Variants in PTK2B observed in about 807,000 individuals in gnomAD.
The protein encoded by PTK2B is protein-tyrosine kinase 2-beta.
PTK2B carries 71 observed loss-of-function variants against 142.9 expected under a neutral mutation model. The ratio of observed to expected loss-of-function variants is 0.50; its 90% CI spans 0.41 to 0.61. PTK2B has a LOEUF of 0.61. Among genes scored for constraint, PTK2B ranks in the 20% least tolerant of loss-of-function variants. The pLI, the probability that PTK2B is intolerant of heterozygous loss-of-function variation, is 0.00. For synonymous variants in PTK2B, 519 were observed against 503.4 expected, an observed-to-expected ratio of 1.03 and a Z score of -0.42; for missense variants, 1,105 against 1,320.4, an observed-to-expected ratio of 0.84 and a Z score of 2.53.
rs1178118717 is a variant in PTK2B at position 27,458,144 on chromosome 8, G to T, written c.2815-150G>T. The T allele has an allele frequency of 4.1e-6, 3 of 731,688 alleles. No individual in the cohort carries two copies. In the African/African-American group the frequency reaches 5.3e-5, roughly 13 times the overall value. The allele number at this position is 731,688 out of a possible 1,614,324, so 45.3% of individuals were successfully genotyped here. A position where few individuals can be genotyped will look rare whatever the true frequency, so the allele number is the denominator to read the frequency against. Reference sequence around the variant, plus strand: ...GACCTGACTCGACCCTGCACGGGGTGTTGCATTCAGCCCTCTCCTAGGTCT... The same window carrying T: ...GACCTGACTCGACCCTGCACGGGGTTTTGCATTCAGCCCTCTCCTAGGTCT... On this transcript the variant is annotated intron_variant, in intron 30 of 30. Coordinates refer to ENST00000346049, the MANE Select transcript of PTK2B (RefSeq NM_173176.3).
At chr8:27,375,121 T>G (rs1184518716) in intron 1 of PTK2B, among the ~76,000 whole-genome samples, 1 of 152,206 alleles carries the variant, frequency 6.6e-6, no homozygotes, top group Non-Finnish European at 1.5e-5. Context: ...GGGAGTGGCA[T>G]GACATCTTCA....
upstream of PTK2B, chr8:27,311,389 A>T: frequency 9.6e-6 from 9 of 942,178 alleles, no homozygotes; most frequent in Non-Finnish European, 1.3e-5. Context: ...TGCGGGGGGG[A>T]TGGCGAGGGG....
chr8:27,440,515 GGTTTGCAC>G, intron 21 of PTK2B, 74 bp downstream of exon 21: 1 of 1,512,914 alleles, frequency 6.6e-7, no homozygotes, highest in Non-Finnish European at 9.1e-7. Context: ...CACACAGAGA[GGTTTGCAC>G]CACATCTCCC....
At chr8:27,365,846 A>T (rs774780189) in intron 1 of PTK2B, among the ~76,000 whole-genome samples, 21 of 152,164 alleles carry the variant, frequency 1.4e-4, no homozygotes, top group Non-Finnish European at 2.9e-4. Flanking sequence ...ATTGCTGGTA[A>T]TTTGCCTTCC....
At chr8:27,444,348 G>C in intron 23 of PTK2B, 77 bp downstream of exon 23, 1 of 1,513,818 alleles carries the variant, frequency 6.6e-7, no homozygotes, top group Non-Finnish European at 9.1e-7. Flanking sequence ...TTGTGCCTTA[G>C]AGGAGCAGCA....
Position 27,432,204 on chromosome 8 carries a change from G to C in PTK2B, c.886-56G>C, listed in dbSNP as rs142835408. On this transcript the variant is annotated intron_variant, in intron 9 of 30. Transcript: ENST00000346049. ...CCGGCTCCCCCATACTGACCAATCT[G>C]CATGGCCTAGTCCTGGTAGTGGGAT... 2.9e-3 allele frequency: 4,462 copies of C among 1,541,430 alleles called. 4 individuals are homozygous for C. Among genetic ancestry groups the C allele is most frequent in the Non-Finnish European group, 3.5e-3 (3,932 of 1,122,368 alleles).
At chr8:27,454,712 G>A in intron 30 of PTK2B, 101 bp downstream of exon 30, 1 of 1,200,762 alleles carries the variant, frequency 8.3e-7, no homozygotes, top group Non-Finnish European at 1.2e-6. Context: ...CCTCATGTCT[G>A]TCCACTGAGT....
chr8:27,340,686 T>C (rs1345374010), intron 1 of PTK2B, among the ~76,000 whole-genome samples: 3 of 152,210 alleles, frequency 2.0e-5, no homozygotes, highest in Non-Finnish European at 4.4e-5. Flanking sequence ...GGAGAAGCCT[T>C]GGCTGGGCAT....
At chr8:27,437,059 G>A in intron 15 of PTK2B, 63 bp from the exon 16 acceptor site, 1 of 1,517,540 alleles carries the variant, frequency 6.6e-7, no homozygotes, top group Non-Finnish European at 9.1e-7. Flanking sequence ...GGGGAGGCCA[G>A]GAGGGAACAT....
chr8:27,386,406 A>G (rs570683677), intron 1 of PTK2B, among the ~76,000 whole-genome samples: 2 of 152,292 alleles, frequency 1.3e-5, no homozygotes, highest in East Asian at 3.9e-4. Context: ...GTAATTGGCA[A>G]TTGTACTAGT....
chr8:27,350,879 G>A (rs1170647965), intron 1 of PTK2B, among the ~76,000 whole-genome samples: 1 of 148,384 alleles, frequency 6.7e-6, no homozygotes, highest in East Asian at 2.0e-4. Context: ...GAGAGGCTGA[G>A]GCAGGAGAAT....
rs200679547 is a variant in PTK2B at position 27,458,412 on chromosome 8, C to T, written c.2933C>T (p.Thr978Met). Residue 978 changes from threonine to methionine, a missense_variant, in exon 31 of 31, where the codon ACG becomes ATG. Transcript: ENST00000346049. ...LSEECKRQML[T>M]ASHTLAVDAK... ...GAGGAGTGCAAGAGGCAGATGCTGA[C>T]GGCTTCACACACCCTGGCTGTGGAC... is the stretch of plus-strand genomic sequence containing the variant. 276 of 1,612,494 alleles carry T rather than the reference C, an allele frequency of 1.7e-4. No homozygotes were observed. Among genetic ancestry groups the T allele is most frequent in the Middle Eastern group, 9.9e-4 (6 of 6,044 alleles).
At chr8:27,351,398 T>C (rs1481429218) in intron 1 of PTK2B, among the ~76,000 whole-genome samples, 3 of 151,956 alleles carry the variant, frequency 2.0e-5, no homozygotes, top group African/African-American at 7.3e-5. Flanking sequence ...AATCTGGGAT[T>C]GTAGAAATGT....
chr8:27,426,055 C>T (rs761332990), intron 5 of PTK2B, among the ~76,000 whole-genome samples: 2 of 152,054 alleles, frequency 1.3e-5, no homozygotes, highest in African/African-American at 4.8e-5. Flanking sequence ...TGTCCACCCC[C>T]AGCAGAGCCC....
At chr8:27,422,481 T>C (rs1809823423) in intron 5 of PTK2B, 98 bp downstream of exon 5, 17 of 1,150,934 alleles carry the variant, frequency 1.5e-5, no homozygotes, top group Non-Finnish European at 2.0e-5. Context: ...GGAATGAGTG[T>C]GTGGGAGCCA....
intron 1 of PTK2B, among the ~76,000 whole-genome samples, chr8:27,332,757 A>G (rs1803835685): frequency 6.6e-6 from 1 of 152,056 alleles, no homozygotes; most frequent in Admixed American, 6.6e-5. Context: ...AATTTTTAAA[A>G]TTTTTGTAGA....
At chr8:27,353,859 A>G (rs79187131) in intron 1 of PTK2B, among the ~76,000 whole-genome samples, 5,048 of 152,306 alleles carry the variant, frequency 0.033, 281 homozygotes, top group African/African-American at 0.11. Context: ...AAGATGAAGC[A>G]GGGAAAGGCA....
At chr8:27,422,771 C>T (rs2131872164) in intron 5 of PTK2B, among the ~76,000 whole-genome samples, 1 of 152,330 alleles carries the variant, frequency 6.6e-6, no homozygotes, top group Middle Eastern at 3.4e-3. Flanking sequence ...ATTGCTGTAT[C>T]CCCATCTCCA....
intron 1 of PTK2B, among the ~76,000 whole-genome samples, chr8:27,343,144 T>G (rs1035478505): frequency 2.6e-5 from 4 of 152,234 alleles, no homozygotes; most frequent in African/African-American, 9.6e-5. Context: ...GCAACAAATA[T>G]GCGGGCTTTG....
Sources: allele counts gnomAD v4.1 joint callset (sites outside exome capture counted in the v4.1 genomes callset), GRCh38; gene constraint gnomAD v4.1.1; transcripts MANE v1.5; gene names NCBI Gene and HGNC (gene_info 2026-07-23, HGNC 2026-07-21).